The following GRAMD1C variants were observed in gnomAD, a reference collection of about 807,000 sequenced individuals.
The protein encoded by GRAMD1C is GRAM domain containing 1C.
GRAMD1C carries 89 observed loss-of-function variants against 97.8 expected under a neutral mutation model. The ratio of observed to expected loss-of-function variants is 0.91; its 90% CI spans 0.77 to 1.09. The LOEUF (loss-of-function observed/expected upper bound fraction) is 1.09. Ranked by LOEUF, GRAMD1C falls within the 50% of genes least tolerant of loss-of-function variation. GRAMD1C has a pLI of 0.00. For missense variants in GRAMD1C, 740 were observed against 766.4 expected, an observed-to-expected ratio of 0.97 and a Z score of 0.41; for synonymous variants, 256 against 267.0, an observed-to-expected ratio of 0.96 and a Z score of 0.40.
Position 113,850,683 on chromosome 3 carries a change from T to TA in GRAMD1C, c.174+6039dup. ...TTCTTGGCCACCATGACTCCCTCCT[T>TA]AAAAAGGAGTTCATAAATGGCAATC... On this transcript the variant is annotated intron_variant, in intron 2 of 17. Coordinates refer to ENST00000358160, the MANE Select transcript of GRAMD1C (RefSeq NM_017577.5). The TA allele has an allele frequency of 1.9e-6, 3 of 1,592,664 alleles. No homozygotes were observed. The South Asian group carries it at 3.4e-5, about 18-fold the overall frequency.
chr3:113,886,777 GTTTTTTTT>G (rs34683672), intron 6 of GRAMD1C, among the ~76,000 whole-genome samples: 2 of 80,042 alleles, frequency 2.5e-5, no homozygotes, highest in East Asian at 4.6e-4. Flanking sequence ...TTGTTTGCTT[GTTTTTTTT>G]TTTTTTTTTT....
chr3:113,911,270 C>G (rs1406747611), intron 9 of GRAMD1C, among the ~76,000 whole-genome samples: 2 of 151,326 alleles, frequency 1.3e-5, no homozygotes, highest in African/African-American at 4.9e-5. Flanking sequence ...GAGTCTGGCT[C>G]TGTCGCCCAG....
intron 5 of GRAMD1C, among the ~76,000 whole-genome samples, chr3:113,878,207 C>T (rs1429065171): frequency 6.6e-6 from 1 of 152,180 alleles, no homozygotes; most frequent in East Asian, 1.9e-4. Flanking sequence ...TAAGCCATTA[C>T]TATCATTATT....
At chr3:113,940,570 T>C (rs1937725571) in intron 17 of GRAMD1C, among the ~76,000 whole-genome samples, 1 of 152,208 alleles carries the variant, frequency 6.6e-6, no homozygotes, top group South Asian at 2.1e-4. Context: ...TATACACTGT[T>C]GTATATCTTT....
intron 12 of GRAMD1C, among the ~76,000 whole-genome samples, chr3:113,934,149 A>G (rs906607692): frequency 4.6e-5 from 7 of 152,200 alleles, no homozygotes; most frequent in Non-Finnish European, 1.0e-4. Flanking sequence ...AAAATTTAGT[A>G]TTTATTTTGA....
chr3:113,875,524 A>G lies in GRAMD1C; in HGVS notation c.300A>G (p.Gly100=), dbSNP rs1461052848. 6 of 1,554,506 alleles carry G rather than the reference A, an allele frequency of 3.9e-6. No individual in the cohort carries two copies. The African/African-American group carries it at 5.4e-5, about 14-fold the overall frequency. Residue 100 remains glycine (G), a synonymous_variant, in exon 4 of 18, where the codon GGA becomes GGG. Transcript: ENST00000358160. ...CALQRDILLQ[G]RLYLSENWLC... is the part of the protein sequence containing the mutation. ...TTCAGAGGGACATTTTGCTTCAGGG[A>G]CGACTATACCTTTCAGAAAACTGGC...
intron 6 of GRAMD1C, chr3:113,885,648 C>A: frequency 6.6e-7 from 1 of 1,510,512 alleles, no homozygotes; most frequent in Non-Finnish European, 9.2e-7. Context: ...GGATTTCTTC[C>A]TGGAAGTGGT....
intron 7 of GRAMD1C, 91 bp downstream of exon 7, chr3:113,901,237 A>G (rs1936160295): frequency 2.7e-6 from 2 of 727,352 alleles, no homozygotes; most frequent in Non-Finnish European, 4.8e-6. Flanking sequence ...ATTTCTAGTA[A>G]TTTATCTTTG....
chr3:113,930,911 C>T (rs1937394617), intron 11 of GRAMD1C, 79 bp downstream of exon 11: 1 of 709,222 alleles, frequency 1.4e-6, no homozygotes, highest in Non-Finnish European at 2.5e-6. Context: ...CACCAATTTA[C>T]AAGACAGTTT....
At chr3:113,907,560 A>G (rs1936414597) in intron 8 of GRAMD1C, among the ~76,000 whole-genome samples, 1 of 152,182 alleles carries the variant, frequency 6.6e-6, no homozygotes, top group Admixed American at 6.5e-5. Flanking sequence ...ATTCTCAGAT[A>G]TCTACAAGCA....
chr3:113,925,871 T>G (rs958057565), intron 10 of GRAMD1C, among the ~76,000 whole-genome samples: 2 of 152,220 alleles, frequency 1.3e-5, no homozygotes, highest in African/African-American at 4.8e-5. Context: ...TCTTAGTTTC[T>G]TTAAGAATGT....
chr3:113,919,940 TA>T, intron 10 of GRAMD1C: 2 of 661,692 alleles, frequency 3.0e-6, no homozygotes, highest in South Asian at 2.8e-5. Context: ...GGTGCACCAG[TA>T]AAAGGTGAAT....
At chr3:113,850,015 G>C (rs1173253609) in intron 2 of GRAMD1C, among the ~76,000 whole-genome samples, 9 of 139,846 alleles carry the variant, frequency 6.4e-5, no homozygotes, top group Admixed American at 3.4e-4. Flanking sequence ...CTGGCCGGGC[G>C]GGGGGCTGAC....
At chr3:113,942,315 G>T (rs1488191318) in intron 17 of GRAMD1C, among the ~76,000 whole-genome samples, 1 of 151,208 alleles carries the variant, frequency 6.6e-6, no homozygotes, top group African/African-American at 2.4e-5. Flanking sequence ...TACTCATTTT[G>T]CATCAAGATC....
At chr3:113,935,017 A>C (rs1937550581) in intron 13 of GRAMD1C, among the ~76,000 whole-genome samples, 1 of 152,182 alleles carries the variant, frequency 6.6e-6, no homozygotes, top group Admixed American at 6.5e-5. Context: ...CTGGGATTAC[A>C]GGTGTGAGGC....
chr3:113,852,746 C>T (rs961661480), intron 2 of GRAMD1C, among the ~76,000 whole-genome samples: 4 of 152,146 alleles, frequency 2.6e-5, no homozygotes, highest in African/African-American at 9.7e-5. Context: ...GCACCTTGAA[C>T]TTGTATGAGC....
intron 6 of GRAMD1C, chr3:113,885,370 A>C (rs138609013): frequency 1.4e-5 from 23 of 1,592,654 alleles, no homozygotes; most frequent in Non-Finnish European, 2.0e-5. Context: ...GAGCTTCTTC[A>C]TTTACCTTTT....
At chr3:113,884,776 T>C (rs1004699448) in intron 6 of GRAMD1C, among the ~76,000 whole-genome samples, 14 of 151,712 alleles carry the variant, frequency 9.2e-5, no homozygotes, top group Admixed American at 2.6e-4. Context: ...GAGGCGGAGC[T>C]TGCAGCGAGC....
intron 17 of GRAMD1C, among the ~76,000 whole-genome samples, chr3:113,944,393 G>A (rs1268000972): frequency 6.6e-6 from 1 of 152,204 alleles, no homozygotes; most frequent in Non-Finnish European, 1.5e-5. Context: ...GGACACAAAT[G>A]TTCAGATAGC....
Sources: allele counts gnomAD v4.1 joint callset (sites outside exome capture counted in the v4.1 genomes callset), GRCh38; gene constraint gnomAD v4.1.1; transcripts MANE v1.5; gene names NCBI Gene and HGNC (gene_info 2026-07-23, HGNC 2026-07-21).